The following XYLB variants were observed in gnomAD, a reference collection of about 807,000 sequenced individuals.
XYLB encodes the protein xylulose kinase.
A neutral mutation model predicts 78.7 loss-of-function variants in XYLB; 62 were observed. The ratio of observed to expected loss-of-function variants is 0.79; its 90% CI spans 0.64 to 0.97. XYLB has a LOEUF of 0.97. Among genes scored for constraint, XYLB ranks in the 50% least tolerant of loss-of-function variants. The probability of loss-of-function intolerance (pLI) is 0.00; values close to 1 mark genes in which losing one functional copy is unlikely to be tolerated. For missense variants in XYLB, 687 were observed against 676.8 expected, an observed-to-expected ratio of 1.02 and a Z score of -0.17; for synonymous variants, 245 against 247.4, an observed-to-expected ratio of 0.99 and a Z score of 0.09.
At chr3:38,363,353 C>T (rs1706078533) in intron 4 of XYLB, among the ~76,000 whole-genome samples, 1 of 151,998 alleles carries the variant, frequency 6.6e-6, no homozygotes, top group Admixed American at 6.6e-5. Context: ...TTTTCTATTT[C>T]CTGAAAGTAA....
intron 15 of XYLB, among the ~76,000 whole-genome samples, chr3:38,381,705 A>G (rs184598595): frequency 3.5e-4 from 53 of 152,364 alleles, no homozygotes; most frequent in Admixed American, 2.9e-3. Context: ...CCAGTCTCCC[A>G]TAGTGCTCCC....
At chr3:38,426,917 C>T in the XYLB span, among the ~76,000 whole-genome samples, 2 of 152,150 alleles carry the variant, frequency 1.3e-5, no homozygotes, top group Non-Finnish European at 2.9e-5. Flanking sequence ...TGGCCCCGCC[C>T]GGAGCAAAAA....
chr3:38,376,188 C>T lies in XYLB; in HGVS notation c.1076C>T (p.Ser359Phe), dbSNP rs757237205. Reference protein sequence around the residue: ...ESVSRSWSDFSKALQSTEMGN... With the variant: ...ESVSRSWSDFFKALQSTEMGN... ...GTATCCCGTTCCTGGAGCGATTTCT[C>T]TAAGGCACTGCAGTCCACAGAGATG... Residue 359 changes from serine (S) to phenylalanine (F), a missense_variant, in exon 13 of 19, where the codon TCT (serine) becomes TTT (phenylalanine). Transcript: ENST00000207870. 1.9e-6 allele frequency: 3 copies of T among 1,614,018 alleles called. No homozygotes were observed. The highest frequency in any genetic ancestry group is 2.7e-5 in the African/African-American group (2 of 74,928).
At chr3:38,383,183 T>C (rs1707231431) in intron 15 of XYLB, among the ~76,000 whole-genome samples, 1 of 152,238 alleles carries the variant, frequency 6.6e-6, no homozygotes. Context: ...AAGTAGGTAC[T>C]GATATGATTC....
intron 12 of XYLB, among the ~76,000 whole-genome samples, chr3:38,375,761 A>G (rs996160958): frequency 1.3e-5 from 2 of 152,132 alleles, no homozygotes; most frequent in Non-Finnish European, 2.9e-5. Context: ...TGAGCTCCTA[A>G]GCCCTAAGAA....
chr3:38,420,733 T>C (rs946417941), downstream of XYLB, among the ~76,000 whole-genome samples: 1 of 151,796 alleles, frequency 6.6e-6, no homozygotes, highest in Non-Finnish European at 1.5e-5. Context: ...CCCCTTTTTT[T>C]TTGGTAGAGA....
Position 38,346,822 on chromosome 3 carries a change from G to C in XYLB, c.-47G>C. The C allele has an allele frequency of 1.4e-6, 2 of 1,468,324 alleles. No individual in the cohort carries two copies. Among genetic ancestry groups the C allele is most frequent in the Non-Finnish European group, 1.8e-6 (2 of 1,106,938 alleles). The allele number at this position is 1,468,324 out of a possible 1,614,324, so 91.0% of individuals were successfully genotyped here. On this transcript the variant is annotated 5_prime_UTR_variant, in exon 1 of 19. Transcript: ENST00000207870. ...TGGAGCGCGGCGACTATCACGCCGC[G>C]TGGCGGACGGACGGACTGACGGACG...
At chr3:38,386,589 T>A (rs562206224) in intron 15 of XYLB, among the ~76,000 whole-genome samples, 1 of 152,312 alleles carries the variant, frequency 6.6e-6, no homozygotes, top group South Asian at 2.1e-4. Flanking sequence ...CTGAGCAATG[T>A]CTAGTATTCC....
At chr3:38,424,351 T>A (rs1575561534), downstream of XYLB, among the ~76,000 whole-genome samples, 1 of 152,342 alleles carries the variant, frequency 6.6e-6, no homozygotes, top group East Asian at 1.9e-4. Flanking sequence ...GATATGATCC[T>A]GGAAAAATTT....
chr3:38,347,235 G>C lies in XYLB; in HGVS notation c.57+310G>C, dbSNP rs537677724. On this transcript the variant is annotated intron_variant, in intron 1 of 18. Transcript: ENST00000207870. ...GGTGCCCAGAGGGGCCGGAGGACTC[G>C]GCGGGTTCCTGCGCTGTTCTGGGCA... Among the ~76,000 whole-genome samples the C allele has an allele frequency of 3.3e-3, 498 of 152,350 alleles. 2 individuals are homozygous for C. Among genetic ancestry groups the C allele is most frequent in the Middle Eastern group, 0.02 (6 of 294 alleles).
chr3:38,429,891 C>G, the XYLB span, among the ~76,000 whole-genome samples: 27 of 152,258 alleles, frequency 1.8e-4, no homozygotes, highest in East Asian at 5.2e-3. Flanking sequence ...TGAACTCATC[C>G]TTTTTTATGG....
chr3:38,398,947 G>A (rs1174339075), intron 17 of XYLB, among the ~76,000 whole-genome samples: 2 of 151,832 alleles, frequency 1.3e-5, no homozygotes, highest in Non-Finnish European at 2.9e-5. Context: ...CAGGGGAATA[G>A]CTTGAACTTG....
intron 18 of XYLB, among the ~76,000 whole-genome samples, chr3:38,408,831 A>G (rs1274395041): frequency 5.3e-5 from 8 of 152,228 alleles, no homozygotes; most frequent in African/African-American, 1.9e-4. Flanking sequence ...CCAAGACTAA[A>G]CCAGGAAGAA....
intron 3 of XYLB, among the ~76,000 whole-genome samples, chr3:38,361,659 G>A (rs1218038813): frequency 6.6e-6 from 1 of 152,156 alleles, no homozygotes; most frequent in African/African-American, 2.4e-5. Flanking sequence ...GGGGAGGTGA[G>A]CAGTGGGTGA....
downstream of XYLB, among the ~76,000 whole-genome samples, chr3:38,423,658 C>T (rs568893094): frequency 1.2e-4 from 18 of 152,352 alleles, no homozygotes; most frequent in Admixed American, 1.0e-3. Context: ...GCATGTTAAA[C>T]AGTCCAATGA....
At chr3:38,401,384 G>A (rs1708118595) in intron 18 of XYLB, among the ~76,000 whole-genome samples, 1 of 152,160 alleles carries the variant, frequency 6.6e-6, no homozygotes, top group South Asian at 2.1e-4. Context: ...CCCTGTGAAG[G>A]CAGACCTCAC....
chr3:38,355,510 C>T (rs551090081), intron 2 of XYLB, among the ~76,000 whole-genome samples: 5 of 152,296 alleles, frequency 3.3e-5, no homozygotes, highest in African/African-American at 1.2e-4. Context: ...TATCCTTTTA[C>T]TACTGTAAGT....
chr3:38,421,683 T>C (rs1201857889), downstream of XYLB, among the ~76,000 whole-genome samples: 1 of 152,000 alleles, frequency 6.6e-6, no homozygotes, highest in Non-Finnish European at 1.5e-5. Context: ...TCCACACAGA[T>C]GACGAGGAGG....
the XYLB span, among the ~76,000 whole-genome samples, chr3:38,433,659 A>G: frequency 1.3e-5 from 2 of 152,160 alleles, no homozygotes; most frequent in Non-Finnish European, 2.9e-5. Context: ...CTTTATTCCA[A>G]TTCCCAAAAA....
Sources: gnomAD v4.1 joint callset for allele counts (sites outside exome capture counted in the v4.1 genomes callset) on GRCh38, gnomAD v4.1.1 for gene constraint, MANE v1.5 for transcripts, NCBI Gene and HGNC (gene_info 2026-07-23, HGNC 2026-07-21) for gene names.